ASXL3: variants seen among roughly 807,000 people sequenced by gnomAD.
ASXL3 encodes putative Polycomb group protein ASXL3.
Under a neutral mutation model 170.6 loss-of-function variants are expected in ASXL3, and 34 were observed. The observed-to-expected ratio is 0.20, with a 90% CI of 0.15 to 0.27. The LOEUF is 0.27. ASXL3 is among the 10% of genes least tolerant of loss of function. The pLI is 1.00. For synonymous variants in ASXL3, 1,002 were observed against 989.1 expected, an observed-to-expected ratio of 1.01 and a Z score of -0.24; for missense variants, 2,592 against 2,695.3, an observed-to-expected ratio of 0.96 and a Z score of 0.85.
chr18:33,585,610 C>T (rs1175402092), intron 1 of ASXL3, among the ~76,000 whole-genome samples: 1 of 152,184 alleles, frequency 6.6e-6, no homozygotes, highest in Non-Finnish European at 1.5e-5. Flanking sequence ...CCCTCTGACA[C>T]ATTCTTACGT....
intron 4 of ASXL3, among the ~76,000 whole-genome samples, chr18:33,646,966 G>A (rs1043298556): frequency 6.7e-6 from 1 of 150,044 alleles, no homozygotes; most frequent in African/African-American, 2.5e-5. Context: ...TGATCCTTTC[G>A]GTGTATGTAA....
In ASXL3 at chr18:33,661,713, G is replaced by A; in HGVS notation, c.453G>A (p.Gln151=). The change falls in exon 5 of 12, where the codon CAG becomes CAA. Residue 151 remains glutamine (Q), a synonymous_variant. Coordinates refer to ENST00000269197, the MANE Select transcript of ASXL3 (RefSeq NM_030632.3). ...VQSKLVSSFQ[Q]HTKKALKQAL... ...GCAAGTTAGTGTCTTCCTTCCAGCAGCACACCAAAAAGGCTCTTAAACAGG... is the reference window on the plus strand; with the variant it reads ...GCAAGTTAGTGTCTTCCTTCCAGCAACACACCAAAAAGGCTCTTAAACAGG... 1.2e-6 allele frequency: 2 copies of A among 1,612,580 alleles called. No individual in the cohort carries two copies. Among genetic ancestry groups the A allele is most frequent in the South Asian group, 1.1e-5 (1 of 90,904 alleles).
At chr18:33,614,328 T>C (rs1448685611) in intron 2 of ASXL3, 1 of 152,188 alleles carries the variant, frequency 6.6e-6, no homozygotes, top group Non-Finnish European at 1.5e-5. Context: ...ATTACATATC[T>C]ATAAGAAGCA....
At chr18:33,590,109 A>ATTTTTTTTTTTTTTTTTT (rs2065064334) in intron 1 of ASXL3, among the ~76,000 whole-genome samples, 1 of 90,520 alleles carries the variant, frequency 1.1e-5, no homozygotes, top group African/African-American at 8.6e-5. Flanking sequence ...TTTGCTTTCT[A>ATTTTTTTTTTTTTTTTTT]TGTTTTTTTT....
intron 10 of ASXL3, among the ~76,000 whole-genome samples, chr18:33,734,682 T>C (rs2067515005): frequency 6.6e-6 from 1 of 152,204 alleles, no homozygotes; most frequent in South Asian, 2.1e-4. Flanking sequence ...GTAGTCACTT[T>C]TGAATTTCTT....
At chr18:33,713,248 G>GTTTTTTTTTT (rs1226619353) in intron 8 of ASXL3, among the ~76,000 whole-genome samples, 43 of 65,090 alleles carry the variant, frequency 6.6e-4, no homozygotes, top group Middle Eastern at 0.014. Context: ...GTTTTGTTTT[G>GTTTTTTTTTT]TTTTTTTTTT....
At chr18:33,675,056 G>T (rs533127784) in intron 7 of ASXL3, among the ~76,000 whole-genome samples, 2 of 152,236 alleles carry the variant, frequency 1.3e-5, no homozygotes, top group Admixed American at 1.3e-4. Context: ...TGGCCTTTCT[G>T]TCTACATCTG....
At chr18:33,601,298 A>G (rs1281191521) in intron 1 of ASXL3, among the ~76,000 whole-genome samples, 2 of 151,914 alleles carry the variant, frequency 1.3e-5, no homozygotes, top group Non-Finnish European at 1.5e-5. Context: ...AATATTAGCT[A>G]CTATTTATTA....
chr18:33,586,743 A>G (rs911157612), intron 1 of ASXL3, among the ~76,000 whole-genome samples: 1 of 152,056 alleles, frequency 6.6e-6, no homozygotes, highest in Non-Finnish European at 1.5e-5. Flanking sequence ...CTTTCCCCTG[A>G]ATTTTAGAAT....
chr18:33,721,137 G>C (rs573832250), intron 8 of ASXL3, among the ~76,000 whole-genome samples: 3 of 151,834 alleles, frequency 2.0e-5, no homozygotes, highest in Non-Finnish European at 4.4e-5. Context: ...GTTTTCTTTC[G>C]TTAATTGGAG....
At chr18:33,681,249 G>A (rs2066509636) in intron 7 of ASXL3, among the ~76,000 whole-genome samples, 1 of 151,922 alleles carries the variant, frequency 6.6e-6, no homozygotes, top group Non-Finnish European at 1.5e-5. Context: ...ATGAATGTTT[G>A]TTTGGATTTA....
chr18:33,680,751 A>G (rs1161154509), intron 7 of ASXL3, among the ~76,000 whole-genome samples: 1 of 151,860 alleles, frequency 6.6e-6, no homozygotes, highest in Non-Finnish European at 1.5e-5. Flanking sequence ...ATCTGGTCTG[A>G]TGTTAATATT....
rs1156269502 is a variant in ASXL3 at position 33,578,491 on chromosome 18, G to A, written c.-141G>A. 2 of 279,882 alleles carry A rather than the reference G, an allele frequency of 7.1e-6. No homozygotes were observed. Among genetic ancestry groups the A allele is most frequent in the South Asian group, 1.3e-4 (1 of 7,548 alleles). The allele number at this position is 279,882 out of a possible 1,614,324, so 17.3% of individuals were successfully genotyped here. A position where few individuals can be genotyped will look rare whatever the true frequency, so the allele number is the denominator to read the frequency against. ...CGCCGCCGCCGCCGCCGCCGCCGCC[G>A]CCGCCGCCACCGCCCGCGCGCCTCC... On this transcript the variant is annotated 5_prime_UTR_variant, in exon 1 of 12. Coordinates refer to ENST00000269197, the MANE Select transcript of ASXL3 (RefSeq NM_030632.3).
chr18:33,596,111 A>G (rs1055189711), intron 1 of ASXL3, among the ~76,000 whole-genome samples: 2 of 152,174 alleles, frequency 1.3e-5, no homozygotes, highest in East Asian at 3.8e-4. Flanking sequence ...CAAGATAACA[A>G]TTCCATAGAA....
intron 8 of ASXL3, among the ~76,000 whole-genome samples, chr18:33,725,264 A>G (rs2145381028): frequency 6.6e-6 from 1 of 152,182 alleles, no homozygotes; most frequent in South Asian, 2.1e-4. Context: ...TGATTTTTGT[A>G]TTGGACACAA....
chr18:33,610,910 T>C (rs1279440517), intron 2 of ASXL3, among the ~76,000 whole-genome samples: 1 of 152,112 alleles, frequency 6.6e-6, no homozygotes, highest in Non-Finnish European at 1.5e-5. Flanking sequence ...TGTGAACAAC[T>C]AAAGTTATGG....
Position 33,671,813 on chromosome 18 carries a change from C to A in ASXL3, c.662C>A (p.Pro221His), listed in dbSNP as rs2066346981. The change falls in exon 7 of 12, where the codon CCC becomes CAC. Residue 221 changes from proline to histidine, a missense_variant. Physicochemically the swap from Pro to His is moderately conservative, Grantham distance 77 (BLOSUM62 -2). Coordinates refer to ENST00000269197, the MANE Select transcript of ASXL3 (RefSeq NM_030632.3). ...GAAATGAAACATGGGCAAAAATCTCCCACTGGAAAACAAACAAGTCAGCAC... is the reference window on the plus strand; with the variant it reads ...GAAATGAAACATGGGCAAAAATCTCACACTGGAAAACAAACAAGTCAGCAC... The part of the protein sequence containing the change: ...DKEMKHGQKS[P>H]TGKQTSQHLK... 1 of 1,611,286 alleles carries A rather than the reference C, an allele frequency of 6.2e-7. No individual in the cohort carries two copies. Among genetic ancestry groups the A allele is most frequent in the Non-Finnish European group, 8.5e-7 (1 of 1,178,624 alleles).
At position 33,750,533 on chromosome 18, in the gene ASXL3, T is replaced by A. The variant is rs2145446887; in HGVS notation, c.*3938T>A. On this transcript the variant is annotated 3_prime_UTR_variant, in exon 12 of 12. Transcript: ENST00000269197. ...AACCTGATATGATACATATTTTCAG[T>A]AGTTTTTTTTTTTTAATGTGTGTTC... 1 of 149,576 alleles carries A rather than the reference T, an allele frequency of 6.7e-6. No individual in the cohort carries two copies. The highest frequency in any genetic ancestry group is 2.1e-4 in the South Asian group (1 of 4,692). 9.3% of individuals were successfully genotyped at this position (149,576 alleles called of 1,614,324 possible).
At chr18:33,648,317 T>C (rs888818812) in intron 4 of ASXL3, among the ~76,000 whole-genome samples, 1 of 151,990 alleles carries the variant, frequency 6.6e-6, no homozygotes, top group African/African-American at 2.4e-5. Context: ...GTGGATGGGA[T>C]GAAAAGTGAT....
Sources: gnomAD v4.1 joint callset for allele counts (sites outside exome capture counted in the v4.1 genomes callset) on GRCh38, gnomAD v4.1.1 for gene constraint, MANE v1.5 for transcripts, NCBI Gene and HGNC (gene_info 2026-07-23, HGNC 2026-07-21) for gene names.